The following FMR1NB variants were observed in gnomAD, a reference collection of about 807,000 sequenced individuals.
The protein encoded by FMR1NB is FMR1 neighbor.
A neutral mutation model predicts 16.8 loss-of-function variants in FMR1NB; 10 were observed. That is an observed-to-expected ratio of 0.60 (90% CI 0.37 to 1.01). The LOEUF is 1.01. Ranked by LOEUF, FMR1NB falls within the 50% of genes least tolerant of loss-of-function variation. The pLI is 0.01. For missense variants in FMR1NB, 205 were observed against 204.8 expected (o/e 1.00, Z 0.00); for synonymous variants, 83 against 79.1 (o/e 1.05, Z -0.26).
intron 5 of FMR1NB, chrX:148,026,030 T>G (rs1367153408): frequency 9.0e-6 from 1 of 111,422 alleles, no homozygotes; most frequent in Non-Finnish European, 1.9e-5. Flanking sequence ...AAGAAAATCT[T>G]TATATAAGGT....
chrX:148,003,389 G>T (rs2044580779), intron 2 of FMR1NB, 69 bp downstream of exon 2: 1 of 1,121,897 alleles, frequency 8.9e-7, no homozygotes, highest in South Asian at 2.0e-5. Context: ...AAATGTTTAG[G>T]AAGCAGTGTG....
intron 1 of FMR1NB, among the ~76,000 whole-genome samples, chrX:147,997,893 A>G (rs782751184): frequency 8.9e-6 from 1 of 112,830 alleles, no homozygotes; most frequent in East Asian, 2.8e-4. Context: ...GCAAATAAAA[A>G]CCACAATGAG....
intron 2 of FMR1NB, among the ~76,000 whole-genome samples, chrX:148,004,303 A>T (rs1161680585): frequency 8.9e-6 from 1 of 112,444 alleles, no homozygotes; most frequent in East Asian, 2.8e-4. Context: ...GCTTATGAAA[A>T]CAACAGATGT....
chrX:148,000,108 GAGAA>G (rs1356548434), intron 1 of FMR1NB, among the ~76,000 whole-genome samples: 10 of 111,628 alleles, frequency 9.0e-5, no homozygotes, highest in African/African-American at 3.2e-4. Context: ...TCATTAAAAT[GAGAA>G]AGAAGATATT....
At chrX:148,018,595 T>C (rs2044662695) in intron 4 of FMR1NB, among the ~76,000 whole-genome samples, 1 of 111,510 alleles carries the variant, frequency 9.0e-6, no homozygotes, top group African/African-American at 3.3e-5. Flanking sequence ...ATTTGATAAA[T>C]GGTGCTGGGA....
intron 1 of FMR1NB, among the ~76,000 whole-genome samples, chrX:147,989,806 A>G (rs1157810956): frequency 9.0e-6 from 1 of 110,781 alleles, no homozygotes; most frequent in African/African-American, 3.3e-5. Flanking sequence ...CAGTCAGGGG[A>G]AAGCCGCCTA....
At chrX:148,024,722 C>T (rs1010571492) in intron 4 of FMR1NB, 143 bp from the exon 5 acceptor site, 11 of 694,399 alleles carry the variant, frequency 1.6e-5, no homozygotes, top group African/African-American at 4.4e-5. Context: ...TAATTTCTAT[C>T]GGATTTATTA....
chrX:147,985,541 TC>T (rs2044472012), intron 1 of FMR1NB, among the ~76,000 whole-genome samples: 1 of 110,782 alleles, frequency 9.0e-6, no homozygotes, highest in African/African-American at 3.3e-5. Flanking sequence ...ATTGTTCAAC[TC>T]CCACTTATGT....
At chrX:148,025,689 T>A (rs1485095049) in intron 5 of FMR1NB, among the ~76,000 whole-genome samples, 2 of 112,255 alleles carry the variant, frequency 1.8e-5, no homozygotes, top group Non-Finnish European at 3.8e-5. Context: ...ACTAGTAGTG[T>A]TTCCATGGGC....
At chrX:148,011,502 C>A (rs782221935) in intron 4 of FMR1NB, among the ~76,000 whole-genome samples, 8 of 111,007 alleles carry the variant, frequency 7.2e-5, no homozygotes, top group Non-Finnish European at 1.1e-4. Context: ...GAGCTTAAAT[C>A]CACCTTAAAA....
intron 1 of FMR1NB, among the ~76,000 whole-genome samples, chrX:148,002,467 G>A (rs968049540): frequency 5.4e-5 from 6 of 111,488 alleles, no homozygotes; most frequent in African/African-American, 1.6e-4. Context: ...AATTTTTCAT[G>A]AATATTTGCA....
intron 1 of FMR1NB, among the ~76,000 whole-genome samples, chrX:147,988,076 C>T (rs1557187258): frequency 1.8e-5 from 2 of 111,464 alleles, no homozygotes; most frequent in African/African-American, 6.5e-5. Flanking sequence ...CTGTTTTGCA[C>T]ATTAGTTGAT....
chrX:148,018,600 C>T (rs2124627772), intron 4 of FMR1NB, among the ~76,000 whole-genome samples: 1 of 111,258 alleles, frequency 9.0e-6, no homozygotes, highest in Non-Finnish European at 1.9e-5. Context: ...ATAAATGGTG[C>T]TGGGAAAACT....
chrX:148,001,896 C>T (rs1387685422), intron 1 of FMR1NB, among the ~76,000 whole-genome samples: 2 of 111,392 alleles, frequency 1.8e-5, no homozygotes, highest in African/African-American at 6.5e-5. Flanking sequence ...ATGATGTTAT[C>T]TTAAGTATAA....
intron 1 of FMR1NB, among the ~76,000 whole-genome samples, chrX:147,986,080 C>CT (rs1201103525): frequency 3.6e-5 from 4 of 112,149 alleles, no homozygotes; most frequent in African/African-American, 1.3e-4. Flanking sequence ...TGATGATGAG[C>CT]TTCTTTTCAT....
chrX:147,982,275 C>A (rs1364585917), intron 1 of FMR1NB, among the ~76,000 whole-genome samples: 1 of 92,930 alleles, frequency 1.1e-5, no homozygotes, highest in Non-Finnish European at 2.1e-5. Context: ...GGTGAGAGAG[C>A]GAGACTCCGT....
intron 1 of FMR1NB, among the ~76,000 whole-genome samples, chrX:147,982,674 A>G (rs1178409484): frequency 4.6e-5 from 5 of 108,165 alleles, no homozygotes; most frequent in African/African-American, 1.7e-4. Flanking sequence ...CGGGTGGATC[A>G]CGAGGTCAGG....
intron 5 of FMR1NB, among the ~76,000 whole-genome samples, chrX:148,025,465 G>C (rs782179209): frequency 9.0e-6 from 1 of 111,544 alleles, no homozygotes; most frequent in Non-Finnish European, 1.9e-5. Flanking sequence ...AAACCTGCAC[G>C]ATGTAGTGTT....
intron 4 of FMR1NB, among the ~76,000 whole-genome samples, 199 bp downstream of exon 4, chrX:148,008,910 T>C (rs1359209445): frequency 8.9e-6 from 1 of 112,120 alleles, no homozygotes; most frequent in African/African-American, 3.2e-5. Flanking sequence ...CCAGGCACGG[T>C]GGCTCACGCC....
Sources: allele counts gnomAD v4.1 joint callset (sites outside exome capture counted in the v4.1 genomes callset), GRCh38; gene constraint gnomAD v4.1.1; transcripts MANE v1.5; gene names NCBI Gene and HGNC (gene_info 2026-07-23, HGNC 2026-07-21).